KCNK9: variants seen among roughly 807,000 people sequenced by gnomAD.
KCNK9 encodes the protein potassium two pore domain channel subfamily K member 9.
KCNK9 carries 1 observed loss-of-function variant against 10.8 expected under a neutral mutation model. The observed-to-expected ratio is 0.09, with a 90% confidence interval of 0.03 to 0.44. The LOEUF (loss-of-function observed/expected upper bound fraction) is 0.44. Among genes scored for constraint, KCNK9 ranks in the 20% least tolerant of loss-of-function variants. The probability of loss-of-function intolerance (pLI) is 0.97; values close to 1 mark genes in which losing one functional copy is unlikely to be tolerated. For synonymous variants in KCNK9, 231 were observed against 222.7 expected, an observed-to-expected ratio of 1.04 and a Z score of -0.33; for missense variants, 303 against 515.0, an observed-to-expected ratio of 0.59 and a Z score of 3.98.
chr8:139,697,997 C>A (rs1002722137), intron 1 of KCNK9, among the ~76,000 whole-genome samples: 1 of 152,170 alleles, frequency 6.6e-6, no homozygotes, highest in East Asian at 1.9e-4. Context: ...CACCCCATGG[C>A]GCCCTAGTAG....
rs377599972 is a variant in KCNK9 at position 139,638,253 on chromosome 8, C to T, written c.284-19154G>A. Among the ~76,000 whole-genome samples, 12 of 152,174 alleles carry T rather than the reference C, an allele frequency of 7.9e-5. No homozygotes were observed. In the East Asian group the frequency reaches 1.4e-3, roughly 17 times the overall value. On this transcript the variant is annotated intron_variant, in intron 1 of 1. Coordinates refer to ENST00000520439, the MANE Select transcript of KCNK9 (RefSeq NM_001282534.2). The stretch of plus-strand genomic sequence containing the variant: ...AAGTTGCTCCTCACCTGTACGTCCC[C>T]GTTTATTTCATATTTACAGACATGA...
In KCNK9 at chr8:139,693,665, G is replaced by A. The variant is rs922262963; in HGVS notation, c.283+9045C>T. 1.3e-5 allele frequency among the ~76,000 whole-genome samples: 2 copies of A among 152,134 alleles called. No individual in the cohort carries two copies. The highest frequency in any genetic ancestry group is 2.9e-5 in the Non-Finnish European group (2 of 68,038). ...AAAGAAACAAGTCCTTTGCTCAAGAGGATAAAGGACAATTGGGGAAAAGAG... is the reference window on the plus strand; with the variant it reads ...AAAGAAACAAGTCCTTTGCTCAAGAAGATAAAGGACAATTGGGGAAAAGAG... On this transcript the variant is annotated intron_variant, in intron 1 of 1. Coordinates refer to ENST00000520439, the MANE Select transcript of KCNK9 (RefSeq NM_001282534.2). The surrounding 1 kb of genome is among the most constrained non-coding windows in gnomAD (Gnocchi z 4.1).
At chr8:139,648,965 T>G (rs1414853132) in intron 1 of KCNK9, among the ~76,000 whole-genome samples, 1 of 152,232 alleles carries the variant, frequency 6.6e-6, no homozygotes, top group Admixed American at 6.5e-5. Flanking sequence ...ACTGGACGCC[T>G]AAGAAATTAC....
chr8:139,626,340 C>T (rs1814974312), intron 1 of KCNK9, among the ~76,000 whole-genome samples: 1 of 152,178 alleles, frequency 6.6e-6, no homozygotes, highest in Non-Finnish European at 1.5e-5. Context: ...CCTTTACCTC[C>T]TGCCTCTGCA....
intron 1 of KCNK9, among the ~76,000 whole-genome samples, chr8:139,643,435 C>T (rs1341340801): frequency 6.6e-6 from 1 of 152,220 alleles, no homozygotes. Flanking sequence ...AAGACCAACC[C>T]CAGGGGTCCC....
At chr8:139,698,728 G>T (rs1248601859) in intron 1 of KCNK9, among the ~76,000 whole-genome samples, 1 of 152,332 alleles carries the variant, frequency 6.6e-6, no homozygotes, top group African/African-American at 2.4e-5. Context: ...CCAGGTGCTC[G>T]CCCAGAGTGT....
chr8:139,607,563 T>C (rs1814265664), downstream of KCNK9, among the ~76,000 whole-genome samples: 1 of 152,130 alleles, frequency 6.6e-6, no homozygotes, highest in African/African-American at 2.4e-5. Flanking sequence ...AGGCATCTGG[T>C]TCACTGGGCA....
Position 139,693,679 on chromosome 8 carries a change from T to C in KCNK9, c.283+9031A>G, listed in dbSNP as rs951063181. Among the ~76,000 whole-genome samples, 19 of 151,786 alleles carry C rather than the reference T, an allele frequency of 1.3e-4. No individual in the cohort carries two copies. Among genetic ancestry groups the C allele is most frequent in the African/African-American group, 4.6e-4 (19 of 41,290 alleles). ...TTTGCTCAAGAGGATAAAGGACAAT[T>C]GGGGAAAAGAGGAAGGCAGAGCCGG... On this transcript the variant is annotated intron_variant, in intron 1 of 1. Transcript: ENST00000520439. The surrounding 1 kb of genome is among the most constrained non-coding windows in gnomAD (Gnocchi z 4.1).
Position 139,640,942 on chromosome 8 carries a change from G to A in KCNK9, c.284-21843C>T, listed in dbSNP as rs531022408. On this transcript the variant is annotated intron_variant, in intron 1 of 1. Transcript: ENST00000520439. ...CTCTCATTATTGAATGCATCAGTCAGGAAGCATATTTATCGCTGAATCACA... is the reference window on the plus strand; with the variant it reads ...CTCTCATTATTGAATGCATCAGTCAAGAAGCATATTTATCGCTGAATCACA... Among the ~76,000 whole-genome samples the A allele has an allele frequency of 2.6e-5, 4 of 152,332 alleles. No individual in the cohort carries two copies. In the South Asian group the frequency reaches 8.3e-4, roughly 32 times the overall value.
intron 1 of KCNK9, among the ~76,000 whole-genome samples, chr8:139,681,575 T>G (rs1249470269): frequency 6.6e-6 from 1 of 152,152 alleles, no homozygotes; most frequent in East Asian, 1.9e-4. Context: ...GCTTGGGAGC[T>G]GGAACAAGGG....
At chr8:139,649,438 G>A (rs1225536979) in intron 1 of KCNK9, among the ~76,000 whole-genome samples, 1 of 152,188 alleles carries the variant, frequency 6.6e-6, no homozygotes, top group Non-Finnish European at 1.5e-5. Flanking sequence ...TCATCGGGTT[G>A]GGTTAAAGTC....
At chr8:139,637,637 T>G (rs527678284) in intron 1 of KCNK9, among the ~76,000 whole-genome samples, 2 of 152,280 alleles carry the variant, frequency 1.3e-5, no homozygotes, top group African/African-American at 4.8e-5. Flanking sequence ...AGTCTAAAGA[T>G]ACAAAGTTTG....
intron 1 of KCNK9, among the ~76,000 whole-genome samples, chr8:139,663,493 G>C (rs1280206911): frequency 2.0e-5 from 3 of 152,036 alleles, no homozygotes; most frequent in Non-Finnish European, 4.4e-5. Context: ...GTGACACTTG[G>C]TGATGACAGC....
intron 1 of KCNK9, among the ~76,000 whole-genome samples, chr8:139,680,869 T>A (rs1367506079): frequency 6.6e-6 from 1 of 151,956 alleles, no homozygotes; most frequent in Non-Finnish European, 1.5e-5. Context: ...AAATCTAAAC[T>A]CCTCCTCACA....
At chr8:139,610,723 C>T (rs927989452), downstream of KCNK9, among the ~76,000 whole-genome samples, 7 of 152,188 alleles carry the variant, frequency 4.6e-5, no homozygotes, top group South Asian at 2.1e-4. Flanking sequence ...GCCTGAGACT[C>T]GGGCTAGGGT....
At chr8:139,642,992 C>T (rs1045440574) in intron 1 of KCNK9, among the ~76,000 whole-genome samples, 1 of 152,162 alleles carries the variant, frequency 6.6e-6, no homozygotes, top group Non-Finnish European at 1.5e-5. Flanking sequence ...CTCAGGACCC[C>T]TCCCTCCACC....
intron 1 of KCNK9, among the ~76,000 whole-genome samples, chr8:139,643,975 C>T (rs16911120): frequency 0.064 from 9,811 of 152,264 alleles, 1,038 homozygotes; most frequent in African/African-American, 0.22. Flanking sequence ...ATCCGGGCCC[C>T]ATGAAGGCGG....
chr8:139,687,295 C>T (rs1452937672), intron 1 of KCNK9, among the ~76,000 whole-genome samples: 2 of 149,524 alleles, frequency 1.3e-5, no homozygotes, highest in Non-Finnish European at 1.5e-5. Context: ...TTCTATGCTA[C>T]ATTTTGTTTG....
Position 139,687,511 on chromosome 8 carries a change from TATACA to T in KCNK9, c.283+15194_283+15198del, listed in dbSNP as rs1429638663. Among the ~76,000 whole-genome samples, 26 of 46,374 alleles carry T rather than the reference TATACA, an allele frequency of 5.6e-4. 1 individual carries two copies. Among genetic ancestry groups the T allele is most frequent in the African/African-American group, 1.5e-3 (23 of 15,800 alleles). The allele number at this position is 46,374 out of a possible 152,430, so 30.4% of individuals were successfully genotyped here. On this transcript the variant is annotated intron_variant, in intron 1 of 1. Transcript: ENST00000520439. ...ATATACACATATATACATATATATGTATACACATATATTCATATATATGTATACAC... is the reference window on the plus strand; with the variant it reads ...ATATACACATATATACATATATATGTCATATATTCATATATATGTATACAC...
Sources: gnomAD v4.1 joint callset for allele counts (sites outside exome capture counted in the v4.1 genomes callset) on GRCh38, gnomAD v4.1.1 for gene constraint, Gnocchi (gnomAD v3.1) non-coding constraint, MANE v1.5 for transcripts, NCBI Gene and HGNC (gene_info 2026-07-23, HGNC 2026-07-21) for gene names.